The following CACNA1E variants were observed in gnomAD, a reference collection of about 807,000 sequenced individuals.
The protein encoded by CACNA1E is voltage-dependent R-type calcium channel subunit alpha-1E.
In CACNA1E, 40 loss-of-function variants were observed where a neutral mutation model predicts 259.2. The observed-to-expected ratio is 0.15, with a 90% CI of 0.12 to 0.20. The LOEUF is 0.20. Ranked by LOEUF, CACNA1E falls within the 10% of genes least tolerant of loss-of-function variation. The probability of loss-of-function intolerance (pLI) is 1.00; values close to 1 mark genes in which losing one functional copy is unlikely to be tolerated. For synonymous variants in CACNA1E, 1,104 were observed against 1,138.5 expected (o/e 0.97, Z 0.61); for missense variants, 1,874 against 3,040.1 (o/e 0.62, Z 9.02).
At chr1:181,540,852 T>A (rs1668527214) in intron 3 of CACNA1E, among the ~76,000 whole-genome samples, 1 of 152,212 alleles carries the variant, frequency 6.6e-6, no homozygotes. Context: ...TAAAGGCTCC[T>A]GTGTCTTATA....
chr1:181,623,757 A>G (rs1449714258), intron 6 of CACNA1E, among the ~76,000 whole-genome samples: 38 of 152,238 alleles, frequency 2.5e-4, no homozygotes, highest in Admixed American at 2.4e-3. Flanking sequence ...TAAGAAATAT[A>G]TTGCTAACAA....
chr1:181,424,346 T>C (rs1008733371), intron 2 of CACNA1E, among the ~76,000 whole-genome samples: 1 of 152,210 alleles, frequency 6.6e-6, no homozygotes, highest in African/African-American at 2.4e-5. Context: ...CACACACCCT[T>C]GAATTTTCCT....
At chr1:181,637,419 C>T (rs917983303) in intron 6 of CACNA1E, among the ~76,000 whole-genome samples, 5 of 77,726 alleles carry the variant, frequency 6.4e-5, no homozygotes. Context: ...TCCCTCCCTC[C>T]CTCCTTCCCT....
intron 3 of CACNA1E, among the ~76,000 whole-genome samples, chr1:181,548,120 T>TTTTTTTTC (rs1553275387): frequency 1.4e-4 from 13 of 91,000 alleles, no homozygotes; most frequent in South Asian, 3.8e-4. Context: ...CCCATAACAC[T>TTTTTTTTC]TTTTTTTTCT....
At chr1:181,661,135 G>A (rs147601297) in intron 7 of CACNA1E, among the ~76,000 whole-genome samples, 80 of 152,334 alleles carry the variant, frequency 5.3e-4, no homozygotes, top group Middle Eastern at 6.8e-3. Context: ...AGAGGCACAG[G>A]CAGAGGCTCA....
At chr1:181,597,975 T>C (rs1653365003) in intron 6 of CACNA1E, among the ~76,000 whole-genome samples, 1 of 152,164 alleles carries the variant, frequency 6.6e-6, no homozygotes, top group African/African-American at 2.4e-5. Context: ...AGATGAGATT[T>C]GGGTGGGGAC....
rs186308002 is a variant in CACNA1E at position 181,676,550 on chromosome 1, G to A, written c.1055+25109G>A. Among the ~76,000 whole-genome samples, 18 of 152,248 alleles carry A rather than the reference G, an allele frequency of 1.2e-4. No individual in the cohort carries two copies. In the East Asian group the frequency reaches 3.5e-3, roughly 29 times the overall value. ...TATGATGTCTCTACCACCAAGCTCT[G>A]TGTCTGGCACACAGTAATTAATATA... On this transcript the variant is annotated intron_variant, in intron 7 of 47. Transcript: ENST00000367573.
intron 7 of CACNA1E, among the ~76,000 whole-genome samples, chr1:181,703,832 T>A (rs1652520731): frequency 6.7e-6 from 1 of 148,836 alleles, no homozygotes; most frequent in African/African-American, 2.4e-5. Context: ...AGGTGATCTG[T>A]CAGGTTCCCC....
At chr1:181,478,348 A>G (rs972042765) in intron 2 of CACNA1E, among the ~76,000 whole-genome samples, 2 of 152,214 alleles carry the variant, frequency 1.3e-5, no homozygotes, top group Admixed American at 6.5e-5. Context: ...CGGACATTAC[A>G]TAAGGATGTG....
rs199965 is a variant in CACNA1E, at chr1:181,618,617, C to A, written c.952-32721C>A. On this transcript the variant is annotated intron_variant, in intron 6 of 47. Transcript: ENST00000367573. ...GTTGAGTCCTTTGTCCTTCAGTAGA[C>A]GAAGTGTCCTCATCCATATTTTATA... Among the ~76,000 whole-genome samples, 7 of 152,326 alleles carry A rather than the reference C, an allele frequency of 4.6e-5. No homozygotes were observed. The South Asian group carries it at 1.5e-3, about 32-fold the overall frequency.
chr1:181,793,878 A>G, intron 45 of CACNA1E, 85 bp downstream of exon 45: 9 of 1,427,316 alleles, frequency 6.3e-6, no homozygotes, highest in Non-Finnish European at 8.5e-6. Context: ...TTTGCAGGTG[A>G]GCCGTTGACT....
intron 12 of CACNA1E, among the ~76,000 whole-genome samples, chr1:181,718,633 C>G (rs1654136020): frequency 6.7e-6 from 1 of 149,410 alleles, no homozygotes; most frequent in Non-Finnish European, 1.5e-5. Context: ...CACACACACA[C>G]ACACACACAC....
intron 1 of CACNA1E, among the ~76,000 whole-genome samples, chr1:181,372,855 G>C (rs911436243): frequency 1.1e-4 from 16 of 150,016 alleles, no homozygotes; most frequent in African/African-American, 3.7e-4. Flanking sequence ...AAGGGATATT[G>C]AATATTATCA....
At chr1:181,762,688 G>C in intron 33 of CACNA1E, 31 bp downstream of exon 33, 1 of 1,374,852 alleles carries the variant, frequency 7.3e-7, no homozygotes, top group Non-Finnish European at 1.0e-6. Context: ...ATGTCTGTAA[G>C]CTTGGCCCTG....
intron 2 of CACNA1E, among the ~76,000 whole-genome samples, chr1:181,423,036 A>G (rs557629434): frequency 7.5e-4 from 114 of 152,288 alleles, no homozygotes; most frequent in African/African-American, 2.5e-3. Flanking sequence ...CTTACCCATC[A>G]TTACTACCTT....
intron 5 of CACNA1E, 132 bp from the exon 6 acceptor site, chr1:181,580,463 A>G: frequency 1.3e-6 from 1 of 788,870 alleles, no homozygotes; most frequent in South Asian, 1.5e-5. Flanking sequence ...GAGGAGAGGG[A>G]GCCTGAGACA....
intron 6 of CACNA1E, among the ~76,000 whole-genome samples, chr1:181,634,162 C>T (rs769177682): frequency 9.9e-5 from 15 of 152,266 alleles, no homozygotes; most frequent in African/African-American, 3.1e-4. Flanking sequence ...TTATGACTTA[C>T]GTGTCAGTTC....
At chr1:181,587,739 C>T (rs1468052314) in intron 6 of CACNA1E, among the ~76,000 whole-genome samples, 2 of 152,082 alleles carry the variant, frequency 1.3e-5, no homozygotes, top group East Asian at 1.9e-4. Context: ...AAAAAATAGC[C>T]GGGCGCAGTG....
chr1:181,761,595 A>C (rs1476992198), intron 32 of CACNA1E, among the ~76,000 whole-genome samples: 1 of 151,948 alleles, frequency 6.6e-6, no homozygotes, highest in African/African-American at 2.4e-5. Context: ...GGTGTTTGAA[A>C]TTTTCTCCTC....
Sources: gnomAD v4.1 joint callset for allele counts (sites outside exome capture counted in the v4.1 genomes callset) on GRCh38, gnomAD v4.1.1 for gene constraint, MANE v1.5 for transcripts, NCBI Gene and HGNC (gene_info 2026-07-23, HGNC 2026-07-21) for gene names.